MTCH2: variants seen among roughly 807,000 people sequenced by gnomAD.
The protein encoded by MTCH2 is mitochondrial carrier homolog 2.
A neutral mutation model predicts 50.6 loss-of-function variants in MTCH2; 25 were observed. The observed-to-expected ratio is 0.49, with a 90% CI of 0.36 to 0.69. The LOEUF is 0.69. Among genes scored for constraint, MTCH2 ranks in the 30% least tolerant of loss-of-function variants. The pLI is 0.00. For synonymous variants in MTCH2, 106 were observed against 132.0 expected, an observed-to-expected ratio of 0.80 and a Z score of 1.35; for missense variants, 273 against 384.4, an observed-to-expected ratio of 0.71 and a Z score of 2.42.
intron 10 of MTCH2, 136 bp downstream of exon 10, chr11:47,626,944 A>G (rs1027008843): frequency 1.0e-5 from 7 of 678,442 alleles, no homozygotes; most frequent in African/African-American, 7.5e-5. Context: ...TTTGACAAAT[A>G]TAACAAATTT....
intron 5 of MTCH2, among the ~76,000 whole-genome samples, chr11:47,634,088 T>C (rs1431461000): frequency 6.6e-6 from 1 of 152,112 alleles, no homozygotes; most frequent in Non-Finnish European, 1.5e-5. Context: ...TTAATACTTT[T>C]TTCTAAAGAC....
chr11:47,639,068 A>G lies in MTCH2; in HGVS notation c.88-17T>C, dbSNP rs768604494. The G allele has an allele frequency of 6.4e-7, 1 of 1,574,190 alleles. No homozygotes were observed. The highest frequency in any genetic ancestry group is 8.7e-7 in the Non-Finnish European group (1 of 1,151,356). The stretch of plus-strand genomic sequence containing the variant: ...ATATCCCACCTTTAAAAACAATGGA[A>G]TATATCAATATTAAAGCAATATTTC... On this transcript the variant is annotated splice_polypyrimidine_tract_variant and intron_variant, in intron 1 of 12. Transcript: ENST00000302503.
intron 11 of MTCH2, among the ~76,000 whole-genome samples, chr11:47,625,014 G>A (rs2097296687): frequency 1.3e-5 from 2 of 152,128 alleles, no homozygotes; most frequent in Non-Finnish European, 2.9e-5. Context: ...CTTGAATCCA[G>A]GAGGTGTCTG....
chr11:47,629,030 G>A lies in MTCH2; in HGVS notation c.556C>T (p.Leu186Phe). 1 of 1,613,696 alleles carries A rather than the reference G, an allele frequency of 6.2e-7. No homozygotes were observed. The highest frequency in any genetic ancestry group is 8.5e-7 in the Non-Finnish European group (1 of 1,179,860). ...CACAAAGAAAGGATGTCACCTAGAA[G>A]GCGAGGAACAAGACCCCTACATGAA... Reference protein sequence around the residue: ...LGFFAGLVPRLLGDILSLWLC... With the variant: ...LGFFAGLVPRFLGDILSLWLC... Residue 186 changes from leucine (L) to phenylalanine (F), a missense_variant, in exon 9 of 13, where the codon CTT (leucine) becomes TTT (phenylalanine). Around this residue, in one of 2 missense-constraint regions of MTCH2, gnomAD observed 203 missense variants for 244.3 expected, o/e 0.83. Transcript: ENST00000302503.
chr11:47,633,361 C>T lies in MTCH2; in HGVS notation c.369+1311G>A, dbSNP rs145795600. Among the ~76,000 whole-genome samples the T allele has an allele frequency of 5.3e-3, 798 of 150,594 alleles. 13 individuals are homozygous for T. The highest frequency in any genetic ancestry group is 0.018 in the African/African-American group (744 of 41,060). On this transcript the variant is annotated intron_variant, in intron 5 of 12. Transcript: ENST00000302503. ...TCCTGACTTCGTGATCTGCCCGCCT[C>T]GGCCTCCCAAGGTGTTGGGATTACA... is the stretch of plus-strand genomic sequence containing the variant.
chr11:47,628,905 G>T, intron 9 of MTCH2, 48 bp downstream of exon 9: 1 of 1,529,702 alleles, frequency 6.5e-7, no homozygotes, highest in Admixed American at 1.7e-5. Flanking sequence ...TAATCTAGCT[G>T]CCAGATTAAA....
chr11:47,638,206 C>T (rs571077336), intron 3 of MTCH2, among the ~76,000 whole-genome samples: 64 of 135,992 alleles, frequency 4.7e-4, no homozygotes, highest in African/African-American at 1.7e-3. Flanking sequence ...ATACACAAAC[C>T]TCTTTGGCTA....
chr11:47,640,929 C>T (rs2097313592), intron 1 of MTCH2, among the ~76,000 whole-genome samples: 1 of 151,940 alleles, frequency 6.6e-6, no homozygotes. Flanking sequence ...CTGAGTTTTG[C>T]TCTGTTGCCC....
downstream of MTCH2, among the ~76,000 whole-genome samples, chr11:47,616,930 T>G (rs1038804538): frequency 1.3e-5 from 2 of 152,210 alleles, no homozygotes; most frequent in Non-Finnish European, 2.9e-5. Context: ...GTGAACCACC[T>G]GCCTCGGCCT....
chr11:47,639,130 C>T (rs2097311677), intron 1 of MTCH2, 79 bp from the exon 2 acceptor site: 2 of 1,271,928 alleles, frequency 1.6e-6, no homozygotes, highest in African/African-American at 1.5e-5. Flanking sequence ...GAATAAAGAA[C>T]ACAATTTGGG....
downstream of MTCH2, among the ~76,000 whole-genome samples, chr11:47,616,411 AT>A (rs1472877168): frequency 6.6e-6 from 1 of 151,844 alleles, no homozygotes; most frequent in Non-Finnish European, 1.5e-5. Flanking sequence ...CAGTGGCACA[AT>A]CTTGGGTCAC....
rs182311703 is a variant in MTCH2, at chr11:47,617,478, G to A, written c.*1355C>T. 6.6e-6 allele frequency: 1 copy of A among 152,524 alleles called. No individual in the cohort carries two copies. Among genetic ancestry groups the A allele is most frequent in the East Asian group, 1.9e-4 (1 of 5,190 alleles). 9.4% of individuals were successfully genotyped at this position (152,524 alleles called of 1,614,324 possible). On this transcript the variant is annotated 3_prime_UTR_variant, in exon 13 of 13. Coordinates refer to ENST00000302503, the MANE Select transcript of MTCH2 (RefSeq NM_014342.4). Reference sequence around the variant, plus strand: ...AGAGACATCAAAGACATTTTAAGCCGAGCTCCTCATGAGCTTCCTAAACCC... The same window carrying A: ...AGAGACATCAAAGACATTTTAAGCCAAGCTCCTCATGAGCTTCCTAAACCC...
At chr11:47,638,623 C>G in intron 3 of MTCH2, 76 bp downstream of exon 3, 1 of 887,318 alleles carries the variant, frequency 1.1e-6, no homozygotes, top group Non-Finnish European at 1.6e-6. Context: ...TTTTAAATTG[C>G]TCTTGATATT....
the MTCH2 span, among the ~76,000 whole-genome samples, chr11:47,609,505 T>C: frequency 1.6e-5 from 2 of 122,936 alleles, no homozygotes; most frequent in East Asian, 2.4e-4. Context: ...CAGGTGCCTA[T>C]AATCCCAGCT....
chr11:47,636,050 C>CCCAG, intron 3 of MTCH2, among the ~76,000 whole-genome samples: 1 of 151,930 alleles, frequency 6.6e-6, no homozygotes, highest in East Asian at 1.9e-4. Context: ...ATCACTTGAA[C>CCCAG]CCAGGAGGCA....
At chr11:47,636,937 C>T (rs899461291) in intron 3 of MTCH2, among the ~76,000 whole-genome samples, 5 of 139,832 alleles carry the variant, frequency 3.6e-5, no homozygotes, top group African/African-American at 1.3e-4. Context: ...AGAACAACAA[C>T]AAAAAAGAAA....
At chr11:47,629,246 A>T in intron 8 of MTCH2, 200 bp from the exon 9 acceptor site, 1 of 537,398 alleles carries the variant, frequency 1.9e-6, no homozygotes, top group Non-Finnish European at 3.4e-6. Context: ...ATCTCCAGTG[A>T]CTTTTGTTCC....
chr11:47,617,315 C>T (rs2097289078), downstream of MTCH2: 1 of 152,158 alleles, frequency 6.6e-6, no homozygotes, highest in Non-Finnish European at 1.5e-5. Flanking sequence ...ATAAACATGG[C>T]ACATTTTCCC....
At chr11:47,639,274 T>C (rs138953267) in intron 1 of MTCH2, among the ~76,000 whole-genome samples, 40 of 152,324 alleles carry the variant, frequency 2.6e-4, no homozygotes, top group African/African-American at 8.7e-4. Context: ...TCAAATTCTA[T>C]GACGTAAACC....
Sources: allele counts gnomAD v4.1 joint callset (sites outside exome capture counted in the v4.1 genomes callset), GRCh38; gene constraint gnomAD v4.1.1; regional missense constraint gnomAD v4.1.1; transcripts MANE v1.5; gene names NCBI Gene and HGNC (gene_info 2026-07-23, HGNC 2026-07-21).